The following IL7 variants were observed in gnomAD, a reference collection of about 807,000 sequenced individuals.
The protein encoded by IL7 is interleukin 7, also known as interleukin-7.
IL7 carries 3 observed loss-of-function variants against 21.6 expected under a neutral mutation model. The ratio of observed to expected loss-of-function variants is 0.14; its 90% CI spans 0.06 to 0.36. The LOEUF is 0.36. Among genes scored for constraint, IL7 ranks in the 10% least tolerant of loss-of-function variants. The probability of loss-of-function intolerance (pLI) is 1.00; values close to 1 mark genes in which losing one functional copy is unlikely to be tolerated. For missense variants in IL7, 175 were observed against 200.2 expected (o/e 0.87, Z 0.76); for synonymous variants, 62 against 68.1 (o/e 0.91, Z 0.44).
chr8:78,761,521 A>T, intron 2 of IL7: 1 of 1,611,978 alleles, frequency 6.2e-7, no homozygotes, highest in Non-Finnish European at 8.5e-7. Flanking sequence ...AAATTTCTGC[A>T]TCAGCTTCAT....
chr8:78,675,170 CTTTA>C (rs1029735047), downstream of IL7, among the ~76,000 whole-genome samples: 1 of 151,346 alleles, frequency 6.6e-6, no homozygotes, highest in African/African-American at 2.4e-5. Flanking sequence ...GTAGCTACCT[CTTTA>C]TTTAATTTTG....
intron 3 of IL7, chr8:78,697,461 T>A (rs1563632409): frequency 1.2e-6 from 2 of 1,610,812 alleles, no homozygotes; most frequent in East Asian, 2.2e-5. Flanking sequence ...ATCATCAGGA[T>A]CTTCACGATT....
At chr8:78,738,170 A>G (rs1811656392) in intron 4 of IL7, among the ~76,000 whole-genome samples, 1 of 152,184 alleles carries the variant, frequency 6.6e-6, no homozygotes, top group Admixed American at 6.5e-5. Flanking sequence ...GTGTACATAT[A>G]TGGATTAAAG....
rs182116429 is a variant in IL7, at chr8:78,773,225, C to T, written c.147+24847G>A. Among the ~76,000 whole-genome samples, 33 of 152,094 alleles carry T rather than the reference C, an allele frequency of 2.2e-4. No individual in the cohort carries two copies. In the East Asian group the frequency reaches 4.7e-3, roughly 22 times the overall value. The stretch of plus-strand genomic sequence containing the variant: ...ACCTACACTCAGACTAGGACCATGT[C>T]GACATACCCATTCACCCAGTGGGCA... On this transcript the variant is annotated intron_variant, in intron 2 of 5. Coordinates refer to ENST00000263851, the MANE Select transcript of IL7 (RefSeq NM_000880.4).
chr8:78,686,416 A>G, intron 3 of IL7: 1 of 1,276,806 alleles, frequency 7.8e-7, no homozygotes. Context: ...TCAATATACT[A>G]AAAAGATACT....
intron 3 of IL7, among the ~76,000 whole-genome samples, chr8:78,721,972 A>C (rs1811250165): frequency 6.6e-6 from 1 of 152,014 alleles, no homozygotes; most frequent in Non-Finnish European, 1.5e-5. Flanking sequence ...TTTATTGCTA[A>C]GATAAAAATT....
At chr8:78,713,455 T>C (rs1401738384), downstream of IL7, among the ~76,000 whole-genome samples, 4 of 151,534 alleles carry the variant, frequency 2.6e-5, no homozygotes, top group East Asian at 7.7e-4. Context: ...TTAAGACGAT[T>C]CTATAGCCAA....
chr8:78,770,868 C>G (rs939883091), intron 2 of IL7, among the ~76,000 whole-genome samples: 3 of 151,942 alleles, frequency 2.0e-5, no homozygotes, highest in Non-Finnish European at 4.4e-5. Context: ...ATAATTTAAG[C>G]CTTTAAGTTC....
At chr8:78,761,874 C>T in intron 2 of IL7, 2 of 1,611,520 alleles carry the variant, frequency 1.2e-6, no homozygotes, top group East Asian at 4.5e-5. Context: ...GCCTCATGTC[C>T]GTCCAGAGGT....
chr8:78,685,652 T>C (rs1333090250), intron 4 of IL7, among the ~76,000 whole-genome samples: 1 of 152,226 alleles, frequency 6.6e-6, no homozygotes, highest in Non-Finnish European at 1.5e-5. Flanking sequence ...AAATGATTCT[T>C]AGTAATTTAA....
chr8:78,790,328 A>G (rs1813645513), intron 2 of IL7, among the ~76,000 whole-genome samples: 1 of 152,156 alleles, frequency 6.6e-6, no homozygotes, highest in Non-Finnish European at 1.5e-5. Flanking sequence ...TTTTATGGAT[A>G]AAAAATATTG....
chr8:78,749,301 A>T (rs1323337015), intron 2 of IL7, among the ~76,000 whole-genome samples: 2 of 152,110 alleles, frequency 1.3e-5, no homozygotes, highest in Non-Finnish European at 2.9e-5. Context: ...ATAAAATATT[A>T]GTATAAAATA....
downstream of IL7, among the ~76,000 whole-genome samples, chr8:78,712,959 T>C (rs923447116): frequency 1.3e-5 from 2 of 152,170 alleles, no homozygotes; most frequent in Non-Finnish European, 2.9e-5. Context: ...TTTAAGATAC[T>C]AGCAGCAGCC....
intron 4 of IL7, among the ~76,000 whole-genome samples, chr8:78,683,532 T>C (rs1809857852): frequency 6.6e-6 from 1 of 152,144 alleles, no homozygotes; most frequent in Non-Finnish European, 1.5e-5. Flanking sequence ...ACCAAATCCC[T>C]ACGCTGCACA....
intron 2 of IL7, among the ~76,000 whole-genome samples, chr8:78,758,534 G>C (rs1015531479): frequency 6.6e-6 from 1 of 151,908 alleles, no homozygotes; most frequent in African/African-American, 2.4e-5. Context: ...TTGTATGGTT[G>C]ATCTAGTAGT....
At chr8:78,800,037 G>T (rs1338229507) in intron 1 of IL7, among the ~76,000 whole-genome samples, 1 of 152,062 alleles carries the variant, frequency 6.6e-6, no homozygotes, top group African/African-American at 2.4e-5. Flanking sequence ...AGTGAACATG[G>T]TACCCAATAG....
chr8:78,790,883 T>A (rs987002003), intron 2 of IL7, among the ~76,000 whole-genome samples: 1 of 151,628 alleles, frequency 6.6e-6, no homozygotes, highest in Non-Finnish European at 1.5e-5. Context: ...ACGAAAATGA[T>A]GGTCCCAAAT....
intron 2 of IL7, chr8:78,747,188 CTTTTTT>C: frequency 2.0e-4 from 51 of 254,680 alleles, no homozygotes; most frequent in Admixed American, 3.7e-4. Flanking sequence ...TACTTCATTG[CTTTTTT>C]TTTTTTTTTT....
At chr8:78,736,033 A>G (rs1483228555) in intron 5 of IL7, among the ~76,000 whole-genome samples, 1 of 150,826 alleles carries the variant, frequency 6.6e-6, no homozygotes, top group East Asian at 1.9e-4. Context: ...ATTATATATT[A>G]TTTATACTGT....
Sources: allele counts gnomAD v4.1 joint callset (sites outside exome capture counted in the v4.1 genomes callset), GRCh38; gene constraint gnomAD v4.1.1; transcripts MANE v1.5; gene names NCBI Gene and HGNC (gene_info 2026-07-23, HGNC 2026-07-21).